PDE1A: variants seen among roughly 807,000 people sequenced by gnomAD.
PDE1A encodes phosphodiesterase 1A, also known as dual specificity calcium/calmodulin-dependent 3',5'-cyclic nucleotide phosphodiesterase 1A.
A neutral mutation model predicts 61.7 loss-of-function variants in PDE1A; 35 were observed. The observed-to-expected ratio is 0.57, with a 90% CI of 0.43 to 0.75. The LOEUF (loss-of-function observed/expected upper bound fraction) is 0.75. Ranked by LOEUF, PDE1A falls within the 30% of genes least tolerant of loss-of-function variation. The pLI is 0.00. For synonymous variants in PDE1A, 232 were observed against 213.2 expected (o/e 1.09, Z -0.77); for missense variants, 597 against 630.6 (o/e 0.95, Z 0.57).
intron 2 of PDE1A, among the ~76,000 whole-genome samples, chr2:182,259,504 A>C (rs1366934586): frequency 6.6e-6 from 1 of 152,246 alleles, no homozygotes; most frequent in East Asian, 1.9e-4. Flanking sequence ...TTTTACTCTT[A>C]GGCATTGTTA....
chr2:182,293,675 A>G (rs981734458), intron 1 of PDE1A, among the ~76,000 whole-genome samples: 1 of 152,190 alleles, frequency 6.6e-6, no homozygotes, highest in African/African-American at 2.4e-5. Flanking sequence ...ATGACATTTA[A>G]TTTATAAATT....
intron 1 of PDE1A, among the ~76,000 whole-genome samples, chr2:182,369,628 C>T (rs1488270524): frequency 1.3e-5 from 2 of 151,430 alleles, no homozygotes; most frequent in Non-Finnish European, 2.9e-5. Context: ...GTGATAAATC[C>T]TGCAGCATAA....
the PDE1A span, among the ~76,000 whole-genome samples, chr2:182,567,000 A>G: frequency 2.0e-5 from 3 of 152,218 alleles, no homozygotes; most frequent in Non-Finnish European, 4.4e-5. Context: ...TTTAGAATGA[A>G]CAATTTGAAG....
chr2:182,690,855 A>C, the PDE1A span, among the ~76,000 whole-genome samples: 2 of 152,234 alleles, frequency 1.3e-5, no homozygotes, highest in African/African-American at 2.4e-5. Context: ...ATCAATGTAC[A>C]AAAATCACAA....
At chr2:182,588,446 C>G in the PDE1A span, among the ~76,000 whole-genome samples, 1 of 152,186 alleles carries the variant, frequency 6.6e-6, no homozygotes, top group Admixed American at 6.5e-5. Context: ...TAGAAAGACT[C>G]TAAAGTGCTG....
At chr2:182,261,703 G>A (rs1281437549) in intron 2 of PDE1A, among the ~76,000 whole-genome samples, 2 of 152,038 alleles carry the variant, frequency 1.3e-5, no homozygotes, top group African/African-American at 4.8e-5. Context: ...GGATCATAGG[G>A]AACTAAGTTA....
chr2:182,329,135 T>A (rs146742016), intron 1 of PDE1A, among the ~76,000 whole-genome samples: 2 of 152,160 alleles, frequency 1.3e-5, no homozygotes, highest in Non-Finnish European at 2.9e-5. Flanking sequence ...TACATTCCTA[T>A]GGCTGTCTTT....
chr2:182,673,643 T>C, the PDE1A span, among the ~76,000 whole-genome samples: 4 of 152,024 alleles, frequency 2.6e-5, no homozygotes, highest in African/African-American at 9.7e-5. Context: ...CCATTTAAGA[T>C]TTCGTTTTAA....
chr2:182,599,449 C>A, the PDE1A span, among the ~76,000 whole-genome samples: 2 of 152,186 alleles, frequency 1.3e-5, no homozygotes, highest in African/African-American at 4.8e-5. Context: ...TCCTCTCCAT[C>A]TACTGGTTAC....
At chr2:182,417,323 G>A (rs1418898013) in intron 1 of PDE1A, among the ~76,000 whole-genome samples, 1 of 152,148 alleles carries the variant, frequency 6.6e-6, no homozygotes, top group Admixed American at 6.5e-5. Flanking sequence ...TGTACTTTAT[G>A]TGTGCTTCTC....
chr2:182,306,239 C>T (rs1055735877), intron 1 of PDE1A, among the ~76,000 whole-genome samples: 4 of 152,082 alleles, frequency 2.6e-5, no homozygotes, highest in Non-Finnish European at 4.4e-5. Context: ...GTGTAGTATG[C>T]CACCATGTAT....
chr2:182,651,446 C>T, the PDE1A span, among the ~76,000 whole-genome samples: 6 of 152,134 alleles, frequency 3.9e-5, no homozygotes, highest in African/African-American at 1.4e-4. Flanking sequence ...TGATCTTTTT[C>T]CTCCCAAGAG....
At position 182,218,028 on chromosome 2, in the gene PDE1A, A is replaced by T. The variant is rs1440780052; in HGVS notation, c.776+5836T>A. 8.9e-4 allele frequency among the ~76,000 whole-genome samples: 133 copies of T among 149,538 alleles called. 1 individual carries two copies. Among genetic ancestry groups the T allele is most frequent in the African/African-American group, 3.1e-3 (128 of 40,838 alleles). The stretch of plus-strand genomic sequence containing the variant: ...AGACTTGGAACCAACCCAAATGTCC[A>T]ACAATGATAGACTGGATTAAGAAAA... On this transcript the variant is annotated intron_variant, in intron 7 of 13. Transcript: ENST00000351439.
intron 1 of PDE1A, among the ~76,000 whole-genome samples, chr2:182,365,209 G>A (rs1699768950): frequency 6.6e-6 from 1 of 151,992 alleles, no homozygotes; most frequent in Non-Finnish European, 1.5e-5. Flanking sequence ...TAATTACACA[G>A]GGACAGCAGG....
At chr2:182,554,837 T>C in the PDE1A span, among the ~76,000 whole-genome samples, 1 of 152,142 alleles carries the variant, frequency 6.6e-6, no homozygotes, top group Non-Finnish European at 1.5e-5. Context: ...TATGGTTTCA[T>C]AATATAATTT....
chr2:182,277,144 C>G (rs1252911770), intron 1 of PDE1A, among the ~76,000 whole-genome samples: 3 of 151,862 alleles, frequency 2.0e-5, no homozygotes, highest in African/African-American at 7.3e-5. Flanking sequence ...TCCTTTTTTG[C>G]CCTTTGAAGC....
chr2:182,272,372 A>G (rs1324887949), intron 1 of PDE1A, among the ~76,000 whole-genome samples: 1 of 152,028 alleles, frequency 6.6e-6, no homozygotes, highest in Non-Finnish European at 1.5e-5. Context: ...GAAACTGCAT[A>G]TTTTCATTTT....
At chr2:182,205,426 T>A (rs143943574) in intron 8 of PDE1A, among the ~76,000 whole-genome samples, 1 of 152,182 alleles carries the variant, frequency 6.6e-6, no homozygotes, top group African/African-American at 2.4e-5. Flanking sequence ...CAATATACCA[T>A]GTAATTTTTT....
At chr2:182,668,428 C>T in the PDE1A span, among the ~76,000 whole-genome samples, 1 of 151,746 alleles carries the variant, frequency 6.6e-6, no homozygotes, top group African/African-American at 2.4e-5. Context: ...TGGAGACTAG[C>T]ATGAGACCGA....
Sources: allele counts gnomAD v4.1 joint callset (sites outside exome capture counted in the v4.1 genomes callset), GRCh38; gene constraint gnomAD v4.1.1; transcripts MANE v1.5; gene names NCBI Gene and HGNC (gene_info 2026-07-23, HGNC 2026-07-21).